Variants in RASSF5 observed in about 807,000 individuals in gnomAD.
RASSF5 encodes the protein Ras association domain family member 5.
A neutral mutation model predicts 40.5 loss-of-function variants in RASSF5; 25 were observed. The ratio of observed to expected loss-of-function variants is 0.62; its 90% confidence interval spans 0.45 to 0.86. The LOEUF (loss-of-function observed/expected upper bound fraction) is 0.86. Among genes scored for constraint, RASSF5 ranks in the 40% least tolerant of loss-of-function variants. RASSF5 has a pLI of 0.00. For synonymous variants in RASSF5, 246 were observed against 252.4 expected (o/e 0.97, Z 0.24); for missense variants, 521 against 572.8 (o/e 0.91, Z 0.92).
chr1:206,526,886 G>A (rs1453148393), intron 1 of RASSF5, among the ~76,000 whole-genome samples: 1 of 152,184 alleles, frequency 6.6e-6, no homozygotes, highest in African/African-American at 2.4e-5. Context: ...AATGACAGCT[G>A]CCATTTATTG....
In RASSF5 at chr1:206,560,749, G is replaced by A. The variant is rs1256778455; in HGVS notation, c.579+22456G>A. The stretch of plus-strand genomic sequence containing the variant: ...TCAATCTAAGGTGTTGCCTAGATGG[G>A]TAGGGGGACTTATCAGGTCACAAGA... On this transcript the variant is annotated intron_variant, in intron 2 of 5. Coordinates refer to ENST00000579436, the MANE Select transcript of RASSF5 (RefSeq NM_182663.4). The surrounding 1 kb of genome is among the most constrained non-coding windows in gnomAD (Gnocchi z 5.1). Among the ~76,000 whole-genome samples the A allele has an allele frequency of 2.0e-5, 3 of 152,232 alleles. No individual in the cohort carries two copies. The highest frequency in any genetic ancestry group is 1.9e-4 in the East Asian group (1 of 5,202).
chr1:206,568,497 C>T (rs1221187550), intron 2 of RASSF5, among the ~76,000 whole-genome samples: 2 of 152,130 alleles, frequency 1.3e-5, no homozygotes, highest in Non-Finnish European at 1.5e-5. Flanking sequence ...CAAGCATGGG[C>T]GGTGTGGGTA....
intron 2 of RASSF5, among the ~76,000 whole-genome samples, chr1:206,545,415 C>G (rs1667658628): frequency 6.8e-6 from 1 of 145,996 alleles, no homozygotes; most frequent in Admixed American, 6.9e-5. Context: ...TAGTGGTGCT[C>G]ATTGTAACCT....
At chr1:206,554,289 A>G (rs1553401458) in intron 2 of RASSF5, among the ~76,000 whole-genome samples, 1 of 152,194 alleles carries the variant, frequency 6.6e-6, no homozygotes, top group East Asian at 1.9e-4. Context: ...TGGAGCTGGG[A>G]CTAGAATACA....
At chr1:206,545,910 TA>T (rs1667671608) in intron 2 of RASSF5, among the ~76,000 whole-genome samples, 1 of 151,428 alleles carries the variant, frequency 6.6e-6, no homozygotes, top group Non-Finnish European at 1.5e-5. Flanking sequence ...ACCCTTTGAG[TA>T]TTTAGATCAT....
At chr1:206,586,066 T>C (rs1470672947) in intron 5 of RASSF5, 2 of 152,280 alleles carry the variant, frequency 1.3e-5, no homozygotes, top group African/African-American at 2.4e-5. Flanking sequence ...AGACCTGGGC[T>C]CTAGTTCCAG....
At chr1:206,545,934 T>G (rs1667672036) in intron 2 of RASSF5, among the ~76,000 whole-genome samples, 2 of 150,914 alleles carry the variant, frequency 1.3e-5, no homozygotes, top group South Asian at 4.2e-4. Context: ...GCATTTAATG[T>G]GATTATTGAT....
intron 2 of RASSF5, among the ~76,000 whole-genome samples, chr1:206,580,414 C>A (rs577630407): frequency 3.9e-5 from 6 of 152,300 alleles, no homozygotes; most frequent in African/African-American, 1.4e-4. Context: ...CAATAGCCTA[C>A]ATGCGTCAGA....
Position 206,584,803 on chromosome 1 carries a change from C to A in RASSF5, c.988+119C>A. 9.6e-7 allele frequency: 1 copy of A among 1,045,562 alleles called. No individual in the cohort carries two copies. Among genetic ancestry groups the A allele is most frequent in the Non-Finnish European group, 1.4e-6 (1 of 709,354 alleles). 64.8% of individuals were successfully genotyped at this position (1,045,562 alleles called of 1,614,324 possible). On this transcript the variant is annotated intron_variant, in intron 4 of 5. Coordinates refer to ENST00000579436, the MANE Select transcript of RASSF5 (RefSeq NM_182663.4). The surrounding 1 kb of genome is among the most constrained non-coding windows in gnomAD (Gnocchi z 4.9). ...TGGGCTTCTCCTGAGCACCAGGGGT[C>A]CAGCTGCCCATGTGGTGTTCAGATC...
intron 2 of RASSF5, among the ~76,000 whole-genome samples, chr1:206,562,736 T>A (rs2103543875): frequency 6.6e-6 from 1 of 152,154 alleles, no homozygotes; most frequent in South Asian, 2.1e-4. Flanking sequence ...ATCCAGACCA[T>A]CCTGGCTAAC....
At position 206,521,567 on chromosome 1, in the gene RASSF5, T is replaced by C. The variant is rs4537553; in HGVS notation, c.457+13508T>C. Among the ~76,000 whole-genome samples, 1,133 of 152,318 alleles carry C rather than the reference T, an allele frequency of 7.4e-3. 16 individuals are homozygous for C. The highest frequency in any genetic ancestry group is 0.026 in the African/African-American group (1,074 of 41,558). ...TTGCATATGCCCAGCCAGGTCTCCT[T>C]GCAATCCTATTTGGCTGTCCTTATC... On this transcript the variant is annotated intron_variant, in intron 1 of 5. Transcript: ENST00000579436.
intron 2 of RASSF5, among the ~76,000 whole-genome samples, chr1:206,570,548 A>C: frequency 6.7e-6 from 1 of 149,072 alleles, no homozygotes; most frequent in African/African-American, 2.5e-5. Context: ...TTAAACAGTA[A>C]CTCACTATTT....
At chr1:206,539,828 T>G (rs757379757) in intron 2 of RASSF5, among the ~76,000 whole-genome samples, 15 of 152,180 alleles carry the variant, frequency 9.9e-5, no homozygotes, top group Non-Finnish European at 1.9e-4. Context: ...GTACACCATA[T>G]AGCAACATTT....
At chr1:206,519,241 T>G (rs1437195117) in intron 1 of RASSF5, among the ~76,000 whole-genome samples, 2 of 152,170 alleles carry the variant, frequency 1.3e-5, no homozygotes, top group African/African-American at 4.8e-5. Context: ...CATGCCCCTT[T>G]TCCAATGAAA....
At chr1:206,555,739 C>T (rs1168291029) in intron 2 of RASSF5, among the ~76,000 whole-genome samples, 6 of 152,226 alleles carry the variant, frequency 3.9e-5, no homozygotes, top group Non-Finnish European at 7.3e-5. Context: ...TGCTGACTCT[C>T]AGCTCTCTTG....
chr1:206,527,445 G>GCTCA (rs1667125430), intron 1 of RASSF5, among the ~76,000 whole-genome samples: 1 of 152,128 alleles, frequency 6.6e-6, no homozygotes, highest in South Asian at 2.1e-4. Context: ...TGTCCTGAGA[G>GCTCA]CTCAGGACAG....
In RASSF5 at chr1:206,584,380, C is replaced by G. The variant is rs370014803; in HGVS notation, c.691-7C>G. 20 of 1,605,552 alleles carry G rather than the reference C, an allele frequency of 1.2e-5. No homozygotes were observed. The highest frequency in any genetic ancestry group is 1.5e-5 in the Non-Finnish European group (18 of 1,174,898). ...CCTGACCCCCTGTGACATGCCCCCG[C>G]TGGCAGAGTGAAGACGGCACCTACA... On this transcript the variant is annotated splice_region_variant and splice_polypyrimidine_tract_variant and intron_variant, in intron 3 of 5. Coordinates refer to ENST00000579436, the MANE Select transcript of RASSF5 (RefSeq NM_182663.4). The surrounding 1 kb of genome is among the most constrained non-coding windows in gnomAD (Gnocchi z 4.9).
rs1667379825 is a variant in RASSF5 at position 206,535,869 on chromosome 1, C to G, written c.458-2303C>G. Among the ~76,000 whole-genome samples the G allele has an allele frequency of 6.6e-6, 1 of 152,070 alleles. No individual in the cohort carries two copies. The highest frequency in any genetic ancestry group is 6.6e-5 in the Admixed American group (1 of 15,264). On this transcript the variant is annotated intron_variant, in intron 1 of 5. Transcript: ENST00000579436. This position sits in a 1 kb window ranked among gnomAD's most constrained non-coding sequence, Gnocchi z 5.0. ...AAATTCCTCCTCTCCCAGGTGCCTT[C>G]CCATTTGTGAGTTATGGCAGCTGTC...
chr1:206,580,461 GTCTT>G (rs1445121354), intron 2 of RASSF5, among the ~76,000 whole-genome samples: 1 of 152,172 alleles, frequency 6.6e-6, no homozygotes, highest in African/African-American at 2.4e-5. Flanking sequence ...AGACAACGGG[GTCTT>G]TCTAATTAGA....
Sources: gnomAD v4.1 joint callset for allele counts (sites outside exome capture counted in the v4.1 genomes callset) on GRCh38, gnomAD v4.1.1 for gene constraint, Gnocchi (gnomAD v3.1) non-coding constraint, MANE v1.5 for transcripts, NCBI Gene and HGNC (gene_info 2026-07-23, HGNC 2026-07-21) for gene names.